Variants in SUGCT observed in about 807,000 individuals in gnomAD.
SUGCT encodes the protein succinyl-CoA:glutarate-CoA transferase.
SUGCT carries 41 observed loss-of-function variants against 55.0 expected under a neutral mutation model. The ratio of observed to expected loss-of-function variants is 0.74; its 90% CI spans 0.58 to 0.97. The LOEUF is 0.97. Among genes scored for constraint, SUGCT ranks in the 50% least tolerant of loss-of-function variants. The pLI is 0.00. For missense variants in SUGCT, 568 were observed against 547.8 expected (o/e 1.04, Z -0.37); for synonymous variants, 187 against 200.4 (o/e 0.93, Z 0.56).
intron 6 of SUGCT, among the ~76,000 whole-genome samples, chr7:40,223,626 C>A (rs1261265230): frequency 6.6e-6 from 1 of 152,126 alleles, no homozygotes; most frequent in African/African-American, 2.4e-5. Flanking sequence ...TGTATGTTTG[C>A]CTATTTAGGA....
At chr7:40,541,952 G>A (rs1794708964) in intron 12 of SUGCT, among the ~76,000 whole-genome samples, 1 of 152,156 alleles carries the variant, frequency 6.6e-6, no homozygotes, top group South Asian at 2.1e-4. Context: ...AGATACTGGG[G>A]AGGACAGGGA....
intron 12 of SUGCT, among the ~76,000 whole-genome samples, chr7:40,556,840 A>G (rs762507329): frequency 8.5e-5 from 13 of 152,226 alleles, no homozygotes; most frequent in Non-Finnish European, 1.5e-5. Context: ...AGCTTTAAAA[A>G]TTGCGTTGAA....
At position 40,320,093 on chromosome 7, in the gene SUGCT, C is replaced by T. The variant is rs563057020; in HGVS notation, c.816+3238C>T. On this transcript the variant is annotated intron_variant, in intron 9 of 13. Transcript: ENST00000335693. ...ACTTAGCCTAAGGGATTAATAGTTA[C>T]ATAATATTTGTTAATTTTTTGTTTT... 2.7e-5 allele frequency among the ~76,000 whole-genome samples: 4 copies of T among 148,570 alleles called. No homozygotes were observed. The South Asian group carries it at 8.7e-4, about 32-fold the overall frequency.
intron 9 of SUGCT, among the ~76,000 whole-genome samples, chr7:40,407,407 C>T (rs1412872618): frequency 6.6e-6 from 1 of 151,220 alleles, no homozygotes; most frequent in Non-Finnish European, 1.5e-5. Context: ...TGTAAATATT[C>T]AATTATTTAT....
chr7:40,910,722 A>G, the SUGCT span, among the ~76,000 whole-genome samples: 1 of 152,144 alleles, frequency 6.6e-6, no homozygotes, highest in Non-Finnish European at 1.5e-5. Context: ...TGGTAACCCC[A>G]TGTTCCCCTT....
intron 11 of SUGCT, among the ~76,000 whole-genome samples, chr7:40,474,408 A>G (rs997563720): frequency 6.6e-6 from 1 of 152,142 alleles, no homozygotes; most frequent in Non-Finnish European, 1.5e-5. Flanking sequence ...CTGTGTGTAC[A>G]TACTTTGGAA....
intron 9 of SUGCT, among the ~76,000 whole-genome samples, chr7:40,331,250 A>G (rs1796296388): frequency 6.6e-6 from 1 of 152,086 alleles, no homozygotes; most frequent in African/African-American, 2.4e-5. Flanking sequence ...CTAAACATCT[A>G]CTTCTTCAGT....
intron 12 of SUGCT, among the ~76,000 whole-genome samples, chr7:40,527,233 G>T (rs946938264): frequency 3.3e-5 from 5 of 152,168 alleles, no homozygotes; most frequent in African/African-American, 1.2e-4. Context: ...CAAAGGCACT[G>T]CCAAACTCAG....
At chr7:40,563,784 C>G (rs943610689) in intron 12 of SUGCT, among the ~76,000 whole-genome samples, 1 of 151,686 alleles carries the variant, frequency 6.6e-6, no homozygotes, top group Non-Finnish European at 1.5e-5. Context: ...TGGCTTTCTG[C>G]AATCTAAGTG....
chr7:40,332,735 G>A (rs1010530381), intron 9 of SUGCT, among the ~76,000 whole-genome samples: 1 of 152,106 alleles, frequency 6.6e-6, no homozygotes, highest in African/African-American at 2.4e-5. Flanking sequence ...AATGTGGGGG[G>A]CCAGAAAATG....
intron 8 of SUGCT, among the ~76,000 whole-genome samples, chr7:40,290,250 A>C (rs1168367316): frequency 1.3e-5 from 2 of 152,230 alleles, no homozygotes; most frequent in Non-Finnish European, 2.9e-5. Flanking sequence ...ACCTGACTTC[A>C]AACTATATTA....
At chr7:40,778,479 A>T (rs961682722) in intron 13 of SUGCT, among the ~76,000 whole-genome samples, 4 of 152,224 alleles carry the variant, frequency 2.6e-5, no homozygotes, top group Admixed American at 2.0e-4. Context: ...GGCAGAAGTA[A>T]AATTATTTCA....
intron 13 of SUGCT, among the ~76,000 whole-genome samples, chr7:40,854,419 C>CTTTCTCTTT (rs200586474): frequency 2.3e-5 from 2 of 88,804 alleles, no homozygotes; most frequent in African/African-American, 9.4e-5. Context: ...TTCTTTCTTT[C>CTTTCTCTTT]CTTTCTTTCT....
the SUGCT span, among the ~76,000 whole-genome samples, chr7:41,023,396 GA>G: frequency 2.6e-5 from 4 of 151,414 alleles, no homozygotes; most frequent in Middle Eastern, 3.4e-3. Context: ...TTCATCAAAA[GA>G]AAAAACATAC....
At chr7:40,896,117 G>T in the SUGCT span, among the ~76,000 whole-genome samples, 1,670 of 152,054 alleles carry the variant, frequency 0.011, 11 homozygotes, top group Non-Finnish European at 0.017. Context: ...CAAAAAATCT[G>T]ATTCAAACAA....
intron 7 of SUGCT, among the ~76,000 whole-genome samples, chr7:40,242,518 T>C (rs1584433958): frequency 6.6e-6 from 1 of 151,964 alleles, no homozygotes; most frequent in East Asian, 1.9e-4. Flanking sequence ...TTACATAACT[T>C]GATATGTAAA....
At chr7:40,589,152 G>A (rs1797571354) in intron 12 of SUGCT, among the ~76,000 whole-genome samples, 1 of 150,672 alleles carries the variant, frequency 6.6e-6, no homozygotes, top group East Asian at 1.9e-4. Flanking sequence ...GTACATATAT[G>A]TGTGTGTGTG....
chr7:40,922,364 C>T, the SUGCT span, among the ~76,000 whole-genome samples: 468 of 152,292 alleles, frequency 3.1e-3, 2 homozygotes, highest in African/African-American at 0.011. Flanking sequence ...TGGCTCTTTG[C>T]CTGTGCTTTT....
intron 12 of SUGCT, among the ~76,000 whole-genome samples, chr7:40,518,066 G>T (rs1793343173): frequency 6.6e-6 from 1 of 152,242 alleles, no homozygotes; most frequent in East Asian, 1.9e-4. Context: ...ATATGGTACT[G>T]TGGTGGTGGA....
Sources: allele counts gnomAD v4.1 joint callset (sites outside exome capture counted in the v4.1 genomes callset), GRCh38; gene constraint gnomAD v4.1.1; transcripts MANE v1.5; gene names NCBI Gene and HGNC (gene_info 2026-07-23, HGNC 2026-07-21).